DNAH7: variants seen among roughly 807,000 people sequenced by gnomAD.
The protein encoded by DNAH7 is dynein axonemal heavy chain 7.
Under a neutral mutation model 444.6 loss-of-function variants are expected in DNAH7, and 397 were observed. The observed-to-expected ratio is 0.89, with a 90% CI of 0.82 to 0.97. The LOEUF (loss-of-function observed/expected upper bound fraction) is 0.97, where lower values mean the gene tolerates loss of function less well. Ranked by LOEUF, DNAH7 falls within the 50% of genes least tolerant of loss-of-function variation. DNAH7 has a pLI of 0.00. For synonymous variants in DNAH7, 1,636 were observed against 1,624.4 expected (o/e 1.01, Z -0.17); for missense variants, 4,902 against 4,800.8 (o/e 1.02, Z -0.62).
chr2:196,020,179 T>C (rs1212246150), intron 8 of DNAH7, among the ~76,000 whole-genome samples: 1 of 152,148 alleles, frequency 6.6e-6, no homozygotes, highest in Non-Finnish European at 1.5e-5. Flanking sequence ...AAAATATGTT[T>C]TAATTGGCTG....
chr2:196,000,769 A>C lies in DNAH7; in HGVS notation c.1288T>G (p.Tyr430Asp). 1 of 1,599,534 alleles carries C rather than the reference A, an allele frequency of 6.3e-7. No homozygotes were observed. Among genetic ancestry groups the C allele is most frequent in the Non-Finnish European group, 8.5e-7 (1 of 1,172,310 alleles). ...SDYIDIFLNV[Y>D]DVMIKAVSFV... ...CTGACAGCTTTAATCATGACGTCAT[A>C]AACATTTAGAAAGATATCTATATAG... The change falls in exon 12 of 65, where the codon TAT (tyrosine) becomes GAT (aspartate). Residue 430 changes from tyrosine to aspartate, a missense_variant. Coordinates refer to ENST00000312428, the MANE Select transcript of DNAH7 (RefSeq NM_018897.3).
In DNAH7 at chr2:195,754,399, T is replaced by G; in HGVS notation, c.11702A>C (p.Asp3901Ala). The change falls in exon 63 of 65, where the codon GAT becomes GCT. Residue 3901 changes from aspartate (D) to alanine (A), a missense_variant. By Grantham distance (126) the Asp-to-Ala change is moderately radical. Transcript: ENST00000312428. ...CACTTCATAGTCAAACCCAAGAAGA[T>G]CAATAGGAATTGTGTATTTCCTGGC... is the stretch of plus-strand genomic sequence containing the variant. ...NYARKYTIPI[D>A]LLGFDYEVME... The G allele has an allele frequency of 6.2e-7, 1 of 1,614,020 alleles. No homozygotes were observed. The highest frequency in any genetic ancestry group is 8.5e-7 in the Non-Finnish European group (1 of 1,179,962).
chr2:196,008,732 G>A (rs1575009678), intron 10 of DNAH7, among the ~76,000 whole-genome samples: 1 of 152,098 alleles, frequency 6.6e-6, no homozygotes, highest in Non-Finnish European at 1.5e-5. Context: ...GAAATTCATA[G>A]AGACAAAAAA....
chr2:196,004,353 A>ATG (rs1694229935), intron 10 of DNAH7, among the ~76,000 whole-genome samples: 1 of 152,224 alleles, frequency 6.6e-6, no homozygotes, highest in Admixed American at 6.5e-5. Flanking sequence ...AGGGATACAC[A>ATG]TGCAAGTTGC....
In DNAH7 at chr2:195,987,161, A is replaced by G. The variant is rs1408989444; in HGVS notation, c.1659T>C (p.Cys553=). The change falls in exon 14 of 65, where the codon TGT becomes TGC. Residue 553 remains cysteine (C), a synonymous_variant. Coordinates refer to ENST00000312428, the MANE Select transcript of DNAH7 (RefSeq NM_018897.3). ...TIRLGMFEMH[C]EELIRALVKR... ...TCACCAAAGCTCTGATTAATTCCTC[A>G]CAGTGCATTTCAAACATTCCTAAAC... 6.2e-7 allele frequency: 1 copy of G among 1,603,878 alleles called. No homozygotes were observed. The highest frequency in any genetic ancestry group is 1.7e-5 in the Admixed American group (1 of 57,666).
chr2:195,796,698 G>C lies in DNAH7; in HGVS notation c.10393C>G (p.Gln3465Glu), dbSNP rs767207422. ...GSKLSSLSLG[Q>E]GQGPIAMKML... The stretch of plus-strand genomic sequence containing the variant: ...TTCATAGCAATGGGCCCTTGGCCTT[G>C]ACCAAGAGATAAAGAGCTAAGTTTT... The change falls in exon 56 of 65, where the codon CAA becomes GAA. Residue 3465 changes from glutamine (Q) to glutamate (E), a missense_variant. Physicochemically the swap from Gln to Glu is conservative, Grantham distance 29. Coordinates refer to ENST00000312428, the MANE Select transcript of DNAH7 (RefSeq NM_018897.3). 10 of 1,614,108 alleles carry C rather than the reference G, an allele frequency of 6.2e-6. No homozygotes were observed. The Admixed American group carries it at 1.7e-4, about 27-fold the overall frequency.
At chr2:195,914,217 T>C (rs1309752848) in intron 24 of DNAH7, among the ~76,000 whole-genome samples, 1 of 152,268 alleles carries the variant, frequency 6.6e-6, no homozygotes, top group African/African-American at 2.4e-5. Flanking sequence ...AGAAACTCTA[T>C]ATCTTTTCTC....
At chr2:195,930,478 T>C (rs1243882193) in intron 21 of DNAH7, among the ~76,000 whole-genome samples, 3 of 152,062 alleles carry the variant, frequency 2.0e-5, no homozygotes, top group Non-Finnish European at 2.9e-5. Flanking sequence ...AAATGAGATA[T>C]CATCTCACCC....
chr2:195,774,718 C>T (rs555072530), intron 60 of DNAH7, among the ~76,000 whole-genome samples: 15 of 152,272 alleles, frequency 9.9e-5, no homozygotes, highest in African/African-American at 1.4e-4. Context: ...GACTCTACTT[C>T]GAGGGACTGT....
chr2:196,021,097 T>G (rs895145088), intron 8 of DNAH7, among the ~76,000 whole-genome samples: 2 of 152,158 alleles, frequency 1.3e-5, no homozygotes, highest in African/African-American at 4.8e-5. Context: ...TTGAAATACA[T>G]TCTATAAATA....
intron 64 of DNAH7, among the ~76,000 whole-genome samples, chr2:195,739,742 A>G (rs1024510097): frequency 2.5e-4 from 38 of 152,170 alleles, no homozygotes; most frequent in South Asian, 2.1e-4. Context: ...CCTAAAATCA[A>G]TTGGCAGCAT....
chr2:195,947,437 T>C (rs1008579518), intron 19 of DNAH7, among the ~76,000 whole-genome samples: 2 of 152,034 alleles, frequency 1.3e-5, no homozygotes, highest in Admixed American at 1.3e-4. Context: ...ATGCTATCCC[T>C]CCCCTACCCC....
intron 18 of DNAH7, among the ~76,000 whole-genome samples, chr2:195,957,897 A>G (rs1438266366): frequency 6.6e-6 from 1 of 152,154 alleles, no homozygotes; most frequent in Non-Finnish European, 1.5e-5. Flanking sequence ...TTGAAAAATG[A>G]GATTTTGTTG....
chr2:195,890,701 G>C (rs1245876772), intron 31 of DNAH7, among the ~76,000 whole-genome samples: 1 of 152,028 alleles, frequency 6.6e-6, no homozygotes, highest in Non-Finnish European at 1.5e-5. Context: ...ACTTGACTTT[G>C]GGCAAGATCT....
intron 47 of DNAH7, 98 bp downstream of exon 47, chr2:195,844,904 A>T: frequency 9.7e-7 from 1 of 1,027,786 alleles, no homozygotes; most frequent in Non-Finnish European, 1.4e-6. Flanking sequence ...GTAATTTTTT[A>T]ATACTGTAAA....
rs79554680 is a variant in DNAH7, at chr2:195,891,643, G to C, written c.5046+12C>G. On this transcript the variant is annotated intron_variant, in intron 31 of 64. Transcript: ENST00000312428. ...CCTTTTAAGATATGCATGTGAAAGT[G>C]TTAGAACTTACCACTGAAGAGGCAA... 1 of 1,567,680 alleles carries C rather than the reference G, an allele frequency of 6.4e-7. No individual in the cohort carries two copies.
At chr2:195,779,981 A>AT (rs1272487415) in intron 58 of DNAH7, among the ~76,000 whole-genome samples, 1 of 152,022 alleles carries the variant, frequency 6.6e-6, no homozygotes, top group African/African-American at 2.4e-5. Context: ...TTGTGGAAAT[A>AT]TTTTTTCTAC....
chr2:195,743,546 T>A (rs1693181663), intron 63 of DNAH7, among the ~76,000 whole-genome samples: 1 of 152,172 alleles, frequency 6.6e-6, no homozygotes, highest in Admixed American at 6.5e-5. Flanking sequence ...AACAAAAATA[T>A]GTCTAAAGTA....
chr2:195,904,199 G>C (rs950595780), intron 27 of DNAH7: 6 of 152,214 alleles, frequency 3.9e-5, no homozygotes, highest in African/African-American at 1.4e-4. Flanking sequence ...AGTCTCTGAA[G>C]AACCCATGGA....
Sources: allele counts gnomAD v4.1 joint callset (sites outside exome capture counted in the v4.1 genomes callset), GRCh38; gene constraint gnomAD v4.1.1; transcripts MANE v1.5; gene names NCBI Gene and HGNC (gene_info 2026-07-23, HGNC 2026-07-21).